Variants in DGKG observed in about 807,000 individuals in gnomAD.
DGKG encodes DAG kinase gamma.
Under a neutral mutation model 105.3 loss-of-function variants are expected in DGKG, and 78 were observed. That is an observed-to-expected ratio of 0.74 (90% CI 0.62 to 0.89). The LOEUF (loss-of-function observed/expected upper bound fraction) is 0.89, where lower values mean the gene tolerates loss of function less well. Among genes scored for constraint, DGKG ranks in the 40% least tolerant of loss-of-function variants. The probability of loss-of-function intolerance (pLI) is 0.00; values close to 1 mark genes in which losing one functional copy is unlikely to be tolerated. For synonymous variants in DGKG, 346 were observed against 367.1 expected (o/e 0.94, Z 0.66); for missense variants, 958 against 1,020.1 (o/e 0.94, Z 0.83).
chr3:186,181,554 G>A (rs778605102), intron 22 of DGKG, among the ~76,000 whole-genome samples: 3 of 152,114 alleles, frequency 2.0e-5, no homozygotes, highest in Non-Finnish European at 2.9e-5. Flanking sequence ...CCAGCATGGC[G>A]AAACCTAGTC....
At chr3:186,251,721 T>G (rs1219789607) in intron 19 of DGKG, 38 bp downstream of exon 19, 1 of 1,612,692 alleles carries the variant, frequency 6.2e-7, no homozygotes, top group Non-Finnish European at 8.5e-7. Context: ...CCTGGGCGTT[T>G]CCCTTCCATA....
intron 1 of DGKG, among the ~76,000 whole-genome samples, chr3:186,325,044 T>A (rs964180361): frequency 2.6e-5 from 4 of 152,186 alleles, no homozygotes; most frequent in African/African-American, 9.7e-5. Context: ...AAGAATGAAA[T>A]CATGTCCTTT....
intron 15 of DGKG, 52 bp from the exon 16 acceptor site, chr3:186,260,565 G>A (rs1232593715): frequency 1.5e-6 from 2 of 1,368,330 alleles, no homozygotes; most frequent in Non-Finnish European, 2.1e-6. Context: ...GAAGGAATAT[G>A]TCATCGTGAG....
At chr3:186,315,661 TAA>T (rs201432882) in intron 2 of DGKG, among the ~76,000 whole-genome samples, 8 of 141,094 alleles carry the variant, frequency 5.7e-5, no homozygotes, top group African/African-American at 1.3e-4. Context: ...ACAAATGTAG[TAA>T]AAAAAAAAAA....
chr3:186,188,506 C>T (rs1198335101), intron 21 of DGKG, 127 bp from the exon 22 acceptor site: 2 of 898,956 alleles, frequency 2.2e-6, no homozygotes, highest in Non-Finnish European at 3.3e-6. Flanking sequence ...CCTCAGCCAC[C>T]ACCCTGCCAC....
intron 19 of DGKG, among the ~76,000 whole-genome samples, chr3:186,243,960 G>A (rs1436401770): frequency 7.7e-6 from 1 of 130,288 alleles, no homozygotes; most frequent in African/African-American, 2.8e-5. Flanking sequence ...GCAGTGGCAT[G>A]ATCTCGTCTC....
At position 186,288,827 on chromosome 3, in the gene DGKG, G is replaced by A. The variant is rs766223091; in HGVS notation, c.427C>T (p.Pro143Ser). The change falls in exon 6 of 25, where the codon CCC (proline) becomes TCC (serine). Residue 143 changes from proline (P) to serine (S), a missense_variant. By Grantham distance (74) the Pro-to-Ser change is moderately conservative (BLOSUM62 -1). Transcript: ENST00000265022. ...APAEDQVAAT[P>S]LEPPVPRSSS... is the part of the protein sequence containing the mutation. ...GACCGAGGGACGGGGGGTTCCAGGG[G>A]GGTCGCAGCCACTTGGTCTTCAGCT... The A allele has an allele frequency of 6.2e-7, 1 of 1,610,184 alleles. No homozygotes were observed. Among genetic ancestry groups the A allele is most frequent in the South Asian group, 1.1e-5 (1 of 90,550 alleles).
intron 1 of DGKG, among the ~76,000 whole-genome samples, chr3:186,320,986 A>G (rs758282297): frequency 3.9e-5 from 6 of 152,244 alleles, no homozygotes; most frequent in Non-Finnish European, 5.9e-5. Flanking sequence ...GCCTAAGAGC[A>G]TCCTCAGGGC....
At position 186,188,391 on chromosome 3, in the gene DGKG, A is replaced by G. The variant is rs759551064; in HGVS notation, c.1918-12T>C. On this transcript the variant is annotated splice_polypyrimidine_tract_variant and intron_variant, in intron 21 of 24. Coordinates refer to ENST00000265022, the MANE Select transcript of DGKG (RefSeq NM_001346.3). Reference sequence around the variant, plus strand: ...CCAACCCCATCACACTGGAGGACGGAGAGAAAAGGCCATCTGTTAGTGTCC... The same window carrying G: ...CCAACCCCATCACACTGGAGGACGGGGAGAAAAGGCCATCTGTTAGTGTCC... The G allele has an allele frequency of 6.2e-7, 1 of 1,613,286 alleles. No individual in the cohort carries two copies. The highest frequency in any genetic ancestry group is 1.1e-5 in the South Asian group (1 of 91,058).
chr3:186,195,686 T>A (rs1014495196), intron 21 of DGKG, among the ~76,000 whole-genome samples: 2 of 152,212 alleles, frequency 1.3e-5, no homozygotes, highest in Non-Finnish European at 2.9e-5. Flanking sequence ...TGCAGGTCCG[T>A]GGACCACACT....
At chr3:186,327,565 C>G (rs1725407928) in intron 1 of DGKG, among the ~76,000 whole-genome samples, 1 of 151,610 alleles carries the variant, frequency 6.6e-6, no homozygotes, top group Non-Finnish European at 1.5e-5. Flanking sequence ...CCACTATGAC[C>G]TGCTAATTTT....
intron 21 of DGKG, among the ~76,000 whole-genome samples, chr3:186,206,695 A>G (rs1718756328): frequency 6.6e-6 from 1 of 152,092 alleles, no homozygotes; most frequent in Admixed American, 6.5e-5. Context: ...AGACTGCCTT[A>G]GACCAGGGAT....
chr3:186,295,323 A>G (rs112745076), intron 5 of DGKG, among the ~76,000 whole-genome samples: 6,820 of 152,030 alleles, frequency 0.045, 501 homozygotes, highest in African/African-American at 0.15. Flanking sequence ...CAACATGGTG[A>G]AAGCCTGTTT....
chr3:186,357,285 A>G (rs1727014097), intron 1 of DGKG, among the ~76,000 whole-genome samples: 1 of 152,182 alleles, frequency 6.6e-6, no homozygotes, highest in South Asian at 2.1e-4. Context: ...CATAAATTAT[A>G]CCCATTGTTT....
chr3:186,175,473 T>G (rs1717029317), intron 22 of DGKG, among the ~76,000 whole-genome samples: 1 of 152,164 alleles, frequency 6.6e-6, no homozygotes, highest in African/African-American at 2.4e-5. Context: ...GAGGTGGACT[T>G]TGAAAGCTCT....
At chr3:186,295,879 G>C (rs893757210) in intron 5 of DGKG, among the ~76,000 whole-genome samples, 4 of 152,062 alleles carry the variant, frequency 2.6e-5, no homozygotes, top group African/African-American at 9.7e-5. Flanking sequence ...AGCGCTTTTG[G>C]GTGGATCACT....
intron 5 of DGKG, among the ~76,000 whole-genome samples, chr3:186,293,212 A>G (rs1723390385): frequency 6.6e-6 from 1 of 152,246 alleles, no homozygotes; most frequent in Non-Finnish European, 1.5e-5. Context: ...AATGACATGC[A>G]TTCACCATTA....
chr3:186,305,283 G>C (rs1724174752), intron 3 of DGKG, among the ~76,000 whole-genome samples: 1 of 152,212 alleles, frequency 6.6e-6, no homozygotes, highest in Non-Finnish European at 1.5e-5. Flanking sequence ...GGTGACTTGA[G>C]CATAGACTGG....
At chr3:186,166,663 C>T (rs2108482096) in intron 22 of DGKG, among the ~76,000 whole-genome samples, 1 of 149,462 alleles carries the variant, frequency 6.7e-6, no homozygotes, top group African/African-American at 2.5e-5. Context: ...AAGATAAAGA[C>T]AGAGAGAAGG....
Sources: allele counts gnomAD v4.1 joint callset (sites outside exome capture counted in the v4.1 genomes callset), GRCh38; gene constraint gnomAD v4.1.1; transcripts MANE v1.5; gene names NCBI Gene and HGNC (gene_info 2026-07-23, HGNC 2026-07-21).